The following EXOC4 variants were observed in gnomAD, a reference collection of about 807,000 sequenced individuals.
EXOC4 encodes SEC8-like 1.
Under a neutral mutation model 107.2 loss-of-function variants are expected in EXOC4, and 71 were observed. The observed-to-expected ratio is 0.66, with a 90% CI of 0.55 to 0.81. EXOC4 has a LOEUF of 0.81. Among genes scored for constraint, EXOC4 ranks in the 30% least tolerant of loss-of-function variants. The pLI is 0.00. For missense variants in EXOC4, 1,108 were observed against 1,189.6 expected, an observed-to-expected ratio of 0.93 and a Z score of 1.01; for synonymous variants, 456 against 441.2, an observed-to-expected ratio of 1.03 and a Z score of -0.42.
At chr7:133,613,920 G>C (rs947721355) in intron 9 of EXOC4, among the ~76,000 whole-genome samples, 13 of 152,134 alleles carry the variant, frequency 8.5e-5, no homozygotes, top group Non-Finnish European at 1.5e-4. Context: ...GCAAAAGGAA[G>C]GTGAAGGATG....
chr7:133,581,515 T>C (rs1801269251), intron 9 of EXOC4, among the ~76,000 whole-genome samples: 1 of 151,666 alleles, frequency 6.6e-6, no homozygotes, highest in Non-Finnish European at 1.5e-5. Context: ...TCCCAGCACT[T>C]TGGGAGGCCG....
intron 9 of EXOC4, among the ~76,000 whole-genome samples, chr7:133,519,213 G>A (rs1799936678): frequency 6.6e-6 from 1 of 151,996 alleles, no homozygotes; most frequent in Admixed American, 6.6e-5. Context: ...CCAGGAGTTT[G>A]AGACCAGCCT....
chr7:133,827,597 A>G (rs931912289), intron 11 of EXOC4, among the ~76,000 whole-genome samples: 2 of 152,224 alleles, frequency 1.3e-5, no homozygotes, highest in African/African-American at 4.8e-5. Flanking sequence ...CACATTTTAT[A>G]AGGATCCTTA....
chr7:134,090,877 CT>C, the EXOC4 span, among the ~76,000 whole-genome samples: 2 of 152,042 alleles, frequency 1.3e-5, no homozygotes, highest in Non-Finnish European at 2.9e-5. Context: ...CCAGAAGGGA[CT>C]TTACCGAGAG....
chr7:133,755,303 T>A (rs1303059839), intron 10 of EXOC4, among the ~76,000 whole-genome samples: 8 of 120,314 alleles, frequency 6.6e-5, no homozygotes, highest in Non-Finnish European at 1.1e-4. Context: ...TTATATATAT[T>A]ATATATATAT....
At chr7:133,520,028 T>C (rs1333604978) in intron 9 of EXOC4, among the ~76,000 whole-genome samples, 1 of 147,006 alleles carries the variant, frequency 6.8e-6, no homozygotes, top group African/African-American at 2.7e-5. Flanking sequence ...AAGTAAATAT[T>C]TATTAAATGC....
At chr7:133,864,549 T>C (rs1215800996) in intron 11 of EXOC4, among the ~76,000 whole-genome samples, 2 of 152,264 alleles carry the variant, frequency 1.3e-5, no homozygotes, top group Non-Finnish European at 2.9e-5. Flanking sequence ...CAAATTATCA[T>C]TCCATGGCAT....
At chr7:133,837,229 T>G (rs1297098071) in intron 11 of EXOC4, among the ~76,000 whole-genome samples, 1 of 152,188 alleles carries the variant, frequency 6.6e-6, no homozygotes, top group African/African-American at 2.4e-5. Flanking sequence ...AGAAAAGGAC[T>G]GTCCTCTAGG....
In EXOC4 at chr7:133,616,121, A is replaced by C. The variant is rs572407453; in HGVS notation, c.1418-13924A>C. Among the ~76,000 whole-genome samples, 21 of 152,264 alleles carry C rather than the reference A, an allele frequency of 1.4e-4. No individual in the cohort carries two copies. The East Asian group carries it at 3.1e-3, about 22-fold the overall frequency. ...GGAACAGTGTCCTGTTTTCTCTACC[A>C]AACAATGGTAACTTATGTTTGTCCC... On this transcript the variant is annotated intron_variant, in intron 9 of 17. Transcript: ENST00000253861.
intron 7 of EXOC4, among the ~76,000 whole-genome samples, chr7:133,473,111 G>A (rs559086855): frequency 6.6e-6 from 1 of 152,136 alleles, no homozygotes; most frequent in African/African-American, 2.4e-5. Context: ...ATTCTTTTCT[G>A]GTTTACCAGT....
intron 9 of EXOC4, among the ~76,000 whole-genome samples, chr7:133,508,065 A>G (rs1039575687): frequency 2.6e-5 from 4 of 152,008 alleles, no homozygotes; most frequent in African/African-American, 7.2e-5. Context: ...CCGTCTCAAA[A>G]AAAAGAAAAG....
At chr7:133,951,021 T>A (rs1184940270) in intron 14 of EXOC4, among the ~76,000 whole-genome samples, 1 of 152,234 alleles carries the variant, frequency 6.6e-6, no homozygotes, top group African/African-American at 2.4e-5. Context: ...TGCTGCTGTA[T>A]CTGCCTCTCT....
rs763626008 is a variant in EXOC4 at position 133,917,589 on chromosome 7, T to C, written c.1878T>C (p.Ile626=). The change falls in exon 13 of 18, where the codon ATT becomes ATC. Residue 626 remains isoleucine (I), a synonymous_variant. Coordinates refer to ENST00000253861, the MANE Select transcript of EXOC4 (RefSeq NM_021807.4). The part of the protein sequence containing the change: ...KDTCTAAYRG[I]VQSEEKLVIS... ...TTCTATTGGCTGTGTTTAGGGGTAT[T>C]GTCCAGTCAGAAGAAAAACTTGTCA... 2 of 1,613,932 alleles carry C rather than the reference T, an allele frequency of 1.2e-6. No individual in the cohort carries two copies. The highest frequency in any genetic ancestry group is 2.2e-5 in the South Asian group (2 of 91,014).
At chr7:133,618,365 C>T (rs567959937) in intron 9 of EXOC4, among the ~76,000 whole-genome samples, 30 of 151,802 alleles carry the variant, frequency 2.0e-4, no homozygotes, top group African/African-American at 6.8e-4. Context: ...TTAATCTCAC[C>T]CATGCTATTA....
chr7:133,446,710 T>A (rs1798229076), intron 7 of EXOC4, among the ~76,000 whole-genome samples: 1 of 152,224 alleles, frequency 6.6e-6, no homozygotes, highest in African/African-American at 2.4e-5. Context: ...TATCAAAAAC[T>A]GATAATCCTC....
At chr7:133,291,513 C>T (rs1302738562) in intron 3 of EXOC4, among the ~76,000 whole-genome samples, 1 of 151,652 alleles carries the variant, frequency 6.6e-6, no homozygotes, top group Non-Finnish European at 1.5e-5. Context: ...TCCCAAGTAC[C>T]TGGGATTACA....
intron 7 of EXOC4, among the ~76,000 whole-genome samples, chr7:133,424,245 T>G (rs1340414612): frequency 6.6e-6 from 1 of 152,086 alleles, no homozygotes; most frequent in Non-Finnish European, 1.5e-5. Flanking sequence ...CCTGCCGCCT[T>G]TATGAGCTGT....
At chr7:133,283,071 G>A (rs908233901) in intron 2 of EXOC4, among the ~76,000 whole-genome samples, 15 of 152,094 alleles carry the variant, frequency 9.9e-5, no homozygotes, top group African/African-American at 3.6e-4. Context: ...TTAACATAAT[G>A]TCCTCCAGGT....
At chr7:133,293,406 T>C (rs1794449859) in intron 3 of EXOC4, among the ~76,000 whole-genome samples, 1 of 152,220 alleles carries the variant, frequency 6.6e-6, no homozygotes, top group Middle Eastern at 3.2e-3. Flanking sequence ...AAATCTTTGC[T>C]AAAAGACATC....
Sources: gnomAD v4.1 joint callset for allele counts (sites outside exome capture counted in the v4.1 genomes callset) on GRCh38, gnomAD v4.1.1 for gene constraint, MANE v1.5 for transcripts, NCBI Gene and HGNC (gene_info 2026-07-23, HGNC 2026-07-21) for gene names.